The following KIF26B variants were observed in gnomAD, a reference collection of about 807,000 sequenced individuals.
The protein encoded by KIF26B is kinesin family member 26B.
A neutral mutation model predicts 151.2 loss-of-function variants in KIF26B; 63 were observed. That is an observed-to-expected ratio of 0.42 (90% CI 0.34 to 0.51). The LOEUF (loss-of-function observed/expected upper bound fraction) is 0.51. Among genes scored for constraint, KIF26B ranks in the 20% least tolerant of loss-of-function variants. The probability of loss-of-function intolerance (pLI) is 0.07; values close to 1 mark genes in which losing one functional copy is unlikely to be tolerated. For missense variants in KIF26B, 2,813 were observed against 2,913.6 expected (o/e 0.97, Z 0.79); for synonymous variants, 1,357 against 1,262.1 (o/e 1.08, Z -1.59).
At chr1:245,462,140 T>TA (rs1659661681) in intron 4 of KIF26B, among the ~76,000 whole-genome samples, 1 of 151,740 alleles carries the variant, frequency 6.6e-6, no homozygotes, top group Non-Finnish European at 1.5e-5. Context: ...GAAAAAAAAT[T>TA]AAAAAATGAA....
intron 2 of KIF26B, among the ~76,000 whole-genome samples, chr1:245,175,339 A>C (rs2103524548): frequency 6.6e-6 from 1 of 152,212 alleles, no homozygotes; most frequent in South Asian, 2.1e-4. Context: ...AAGTCTGGGA[A>C]AATCTAAGAA....
chr1:245,365,523 C>CCCCA (rs1553351916), intron 2 of KIF26B, among the ~76,000 whole-genome samples: 1 of 151,008 alleles, frequency 6.6e-6, no homozygotes, highest in African/African-American at 2.5e-5. Flanking sequence ...TCCCCCCCAC[C>CCCCA]AGCCTACAGC....
At chr1:245,269,695 T>C (rs1220946836) in intron 2 of KIF26B, among the ~76,000 whole-genome samples, 1 of 152,002 alleles carries the variant, frequency 6.6e-6, no homozygotes, top group Non-Finnish European at 1.5e-5. Context: ...GAACTCCTGA[T>C]CTAGTGATCC....
intron 2 of KIF26B, among the ~76,000 whole-genome samples, chr1:245,306,221 A>G (rs1671536891): frequency 6.6e-6 from 1 of 152,216 alleles, no homozygotes; most frequent in African/African-American, 2.4e-5. Flanking sequence ...TTGGCAGTGA[A>G]AAGGAATGAA....
Position 245,419,565 on chromosome 1 carries a change from AT to A in KIF26B, c.1000-10del. The A allele has an allele frequency of 6.2e-7, 1 of 1,602,910 alleles. No homozygotes were observed. The highest frequency in any genetic ancestry group is 8.5e-7 in the Non-Finnish European group (1 of 1,173,386). On this transcript the variant is annotated splice_polypyrimidine_tract_variant and intron_variant, in intron 3 of 14. Coordinates refer to ENST00000407071, the MANE Select transcript of KIF26B (RefSeq NM_018012.4). ...GCCACAGGTAATGAGCTCCGTATCC[AT>A]TTTCTTTGTCAGATCTCCCAGCTGA...
chr1:245,263,491 T>G (rs1464286572), intron 2 of KIF26B, among the ~76,000 whole-genome samples: 1 of 152,174 alleles, frequency 6.6e-6, no homozygotes, highest in African/African-American at 2.4e-5. Flanking sequence ...TCATGAACTG[T>G]TCAAAGAGAT....
chr1:245,254,888 T>C (rs1408356805), intron 2 of KIF26B, among the ~76,000 whole-genome samples: 1 of 152,184 alleles, frequency 6.6e-6, no homozygotes, highest in Non-Finnish European at 1.5e-5. Context: ...TTCCATTTTC[T>C]TAACAAAAAC....
intron 5 of KIF26B, among the ~76,000 whole-genome samples, chr1:245,591,683 G>A (rs111616334): frequency 6.8e-4 from 103 of 152,276 alleles, no homozygotes; most frequent in African/African-American, 2.2e-3. Flanking sequence ...ACCTGAGAAC[G>A]CCTGTCTCTG....
intron 10 of KIF26B, among the ~76,000 whole-genome samples, chr1:245,674,606 C>T (rs1572194065): frequency 6.6e-6 from 1 of 152,170 alleles, no homozygotes; most frequent in Non-Finnish European, 1.5e-5. Flanking sequence ...CACTAATTCA[C>T]CTTCTAAGTT....
intron 12 of KIF26B, among the ~76,000 whole-genome samples, chr1:245,697,082 G>A (rs1315210978): frequency 6.6e-6 from 1 of 152,164 alleles, no homozygotes; most frequent in African/African-American, 2.4e-5. Context: ...CTGCACTCCA[G>A]CCTGGGCGAC....
At chr1:245,325,549 C>T (rs1206006621) in intron 2 of KIF26B, among the ~76,000 whole-genome samples, 5 of 152,088 alleles carry the variant, frequency 3.3e-5, no homozygotes, top group South Asian at 2.1e-4. Context: ...CCCGTCTCTA[C>T]TACAAGTACA....
At chr1:245,155,509 C>G in intron 1 of KIF26B, 22 bp downstream of exon 1, 3 of 1,597,654 alleles carry the variant, frequency 1.9e-6, no homozygotes, top group Non-Finnish European at 2.6e-6. Flanking sequence ...CGGTACGACG[C>G]GGAGACGCGT....
chr1:245,173,755 C>T (rs961343168), intron 2 of KIF26B, among the ~76,000 whole-genome samples: 10 of 152,178 alleles, frequency 6.6e-5, no homozygotes, highest in African/African-American at 1.7e-4. Context: ...CAGGAGTCCC[C>T]CCCACCTTTT....
chr1:245,526,951 T>C (rs1572106855), intron 4 of KIF26B, among the ~76,000 whole-genome samples: 1 of 152,258 alleles, frequency 6.6e-6, no homozygotes, highest in African/African-American at 2.4e-5. Flanking sequence ...CGGTTTCTCA[T>C]GCTGTTCAAG....
chr1:245,429,868 G>A (rs1194997151), intron 4 of KIF26B, among the ~76,000 whole-genome samples: 1 of 152,168 alleles, frequency 6.6e-6, no homozygotes, highest in Admixed American at 6.5e-5. Context: ...GCCCACCTTG[G>A]CCTCCCAAAG....
At chr1:245,548,704 T>C (rs1410625310) in intron 5 of KIF26B, among the ~76,000 whole-genome samples, 3 of 152,050 alleles carry the variant, frequency 2.0e-5, no homozygotes, top group Non-Finnish European at 2.9e-5. Context: ...TTAATCAGAA[T>C]TTGAATAAGA....
intron 4 of KIF26B, among the ~76,000 whole-genome samples, chr1:245,480,703 G>A (rs1006260743): frequency 4.0e-5 from 6 of 151,278 alleles, no homozygotes; most frequent in African/African-American, 1.5e-4. Context: ...ACTCTGTGGA[G>A]GACTTGGGAT....
chr1:245,604,067 T>C (rs1279850717), intron 6 of KIF26B, among the ~76,000 whole-genome samples: 1 of 152,176 alleles, frequency 6.6e-6, no homozygotes, highest in African/African-American at 2.4e-5. Flanking sequence ...AAACAGCACC[T>C]GTTCCTTCAG....
At chr1:245,441,703 A>G (rs376151331) in intron 4 of KIF26B, among the ~76,000 whole-genome samples, 1 of 152,240 alleles carries the variant, frequency 6.6e-6, no homozygotes, top group African/African-American at 2.4e-5. Flanking sequence ...TGAACAACAC[A>G]TTAAACAGAG....
Sources: allele counts gnomAD v4.1 joint callset (sites outside exome capture counted in the v4.1 genomes callset), GRCh38; gene constraint gnomAD v4.1.1; transcripts MANE v1.5; gene names NCBI Gene and HGNC (gene_info 2026-07-23, HGNC 2026-07-21).